The following SLC36A4 variants were observed in gnomAD, a reference collection of about 807,000 sequenced individuals.
The protein encoded by SLC36A4 is neutral amino acid uniporter 4.
In SLC36A4, 49 loss-of-function variants were observed where a neutral mutation model predicts 50.5. The observed-to-expected ratio is 0.97, with a 90% CI of 0.77 to 1.23. The LOEUF (loss-of-function observed/expected upper bound fraction) is 1.23, where lower values mean the gene tolerates loss of function less well. Ranked by LOEUF, SLC36A4 falls within the 50% of genes most tolerant of loss-of-function variation. The pLI is 0.00. For missense variants in SLC36A4, 611 were observed against 608.4 expected (o/e 1.00, Z -0.05); for synonymous variants, 207 against 206.5 (o/e 1.00, Z -0.02).
At chr11:93,165,832 T>A in intron 8 of SLC36A4, 86 bp downstream of exon 8, 2 of 762,428 alleles carry the variant, frequency 2.6e-6, no homozygotes, top group Non-Finnish European at 3.9e-6. Flanking sequence ...AAAAGAAAAA[T>A]ATGCAATTTT....
chr11:93,168,980 A>T (rs1490239507), intron 6 of SLC36A4, among the ~76,000 whole-genome samples: 1 of 152,144 alleles, frequency 6.6e-6, no homozygotes. Flanking sequence ...GACTTTAGAA[A>T]CAGTCTTAAA....
intron 9 of SLC36A4, chr11:93,154,524 G>A (rs948804011): frequency 4.8e-6 from 1 of 206,958 alleles, no homozygotes; most frequent in African/African-American, 2.3e-5. Flanking sequence ...GGGTATAGTG[G>A]TAAAAAGATT....
chr11:93,163,285 A>C (rs1483176075), intron 8 of SLC36A4, among the ~76,000 whole-genome samples: 1 of 152,130 alleles, frequency 6.6e-6, no homozygotes, highest in African/African-American at 2.4e-5. Flanking sequence ...CTAAACTGCA[A>C]ATTTCATTTG....
intron 1 of SLC36A4, chr11:93,193,160 A>G (rs1862284169): frequency 2.8e-6 from 1 of 358,610 alleles, no homozygotes; most frequent in Non-Finnish European, 3.9e-6. Context: ...AATACTTCTG[A>G]GCATTTATGA....
chr11:93,182,746 T>G, intron 4 of SLC36A4, 60 bp downstream of exon 4: 1 of 1,248,560 alleles, frequency 8.0e-7, no homozygotes, highest in South Asian at 1.3e-5. Flanking sequence ...TATAAGACTA[T>G]CTGATGCTGT....
chr11:93,190,797 G>T (rs1565240787), intron 1 of SLC36A4, among the ~76,000 whole-genome samples: 1 of 152,018 alleles, frequency 6.6e-6, no homozygotes, highest in Non-Finnish European at 1.5e-5. Flanking sequence ...CAAGGGCGTG[G>T]TCTTGCCTCA....
rs1474825284 is a variant in SLC36A4, at chr11:93,168,123, T to C, written c.589A>G (p.Asn197Asp). 2 of 1,612,356 alleles carry C rather than the reference T, an allele frequency of 1.2e-6. No homozygotes were observed. The highest frequency in any genetic ancestry group is 2.2e-5 in the South Asian group (2 of 90,940). The part of the protein sequence containing the change: ...ESKVFISNST[N>D]SSNPCERRSV... ...CTTCTCTCACAAGGGTTTGATGAATTGGTACTATTTGAAATAAACACTTTA... is the reference window on the plus strand; with the variant it reads ...CTTCTCTCACAAGGGTTTGATGAATCGGTACTATTTGAAATAAACACTTTA... The change falls in exon 7 of 11, where the codon AAT becomes GAT. Residue 197 changes from asparagine to aspartate, a missense_variant. Physicochemically the swap from Asn to Asp is conservative, Grantham distance 23. Coordinates refer to ENST00000326402, the MANE Select transcript of SLC36A4 (RefSeq NM_152313.4).
At chr11:93,176,349 T>C (rs991838658) in intron 6 of SLC36A4, among the ~76,000 whole-genome samples, 40 of 152,090 alleles carry the variant, frequency 2.6e-4, no homozygotes, top group African/African-American at 8.7e-4. Context: ...TGTCTCTGCA[T>C]GTGAGATGGG....
At position 93,168,044 on chromosome 11, in the gene SLC36A4, A is replaced by G; in HGVS notation, c.668T>C (p.Leu223Ser). Residue 223 changes from leucine to serine, a missense_variant, in exon 7 of 11, where the codon TTG becomes TCG. Physicochemically the swap from Leu to Ser is moderately radical, Grantham distance 145. Transcript: ENST00000326402. ...ATTCTTTAGTTCACGAATGAAGACC[A>G]AAAGAATTATAAATGGAAGAAAGCA... ...MLCFLPFIIL[L>S]VFIRELKNLF... is the part of the protein sequence containing the mutation. 6.2e-7 allele frequency: 1 copy of G among 1,612,142 alleles called. No homozygotes were observed. Among genetic ancestry groups the G allele is most frequent in the East Asian group, 2.2e-5 (1 of 44,812 alleles).
chr11:93,156,337 G>A (rs971727815), intron 9 of SLC36A4, among the ~76,000 whole-genome samples: 5 of 151,890 alleles, frequency 3.3e-5, no homozygotes, highest in African/African-American at 7.3e-5. Flanking sequence ...GATCAGTAAT[G>A]TTGAGCATTT....
intron 10 of SLC36A4, among the ~76,000 whole-genome samples, chr11:93,151,609 A>G (rs963816027): frequency 5.9e-5 from 9 of 152,142 alleles, no homozygotes; most frequent in African/African-American, 2.2e-4. Flanking sequence ...TGCAGAGGCA[A>G]CTAACTTAAA....
chr11:93,197,976 G>A lies in SLC36A4; in HGVS notation c.-144C>T. The A allele has an allele frequency of 1.2e-6, 1 of 829,066 alleles. No homozygotes were observed. The highest frequency in any genetic ancestry group is 1.7e-6 in the Non-Finnish European group (1 of 586,472). The allele number at this position is 829,066 out of a possible 1,614,324, so 51.4% of individuals were successfully genotyped here. On this transcript the variant is annotated 5_prime_UTR_variant, in exon 1 of 11. Transcript: ENST00000326402. ...CCCTGCCCCGGCGCTCCCCAACCGCGCGGCGAGGAGCATGCGCAGTGGGAC... is the reference window on the plus strand; with the variant it reads ...CCCTGCCCCGGCGCTCCCCAACCGCACGGCGAGGAGCATGCGCAGTGGGAC...
intron 4 of SLC36A4, chr11:93,182,391 G>A (rs1266445390): frequency 9.1e-6 from 2 of 218,870 alleles, no homozygotes; most frequent in African/African-American, 2.3e-5. Flanking sequence ...AGTATTTCAT[G>A]ATACAAAAAT....
intron 6 of SLC36A4, chr11:93,180,352 T>C (rs961108887): frequency 1.0e-6 from 1 of 983,630 alleles, no homozygotes; most frequent in Non-Finnish European, 1.2e-6. Flanking sequence ...AAACTGTTCA[T>C]TTTTGGACAC....
intron 6 of SLC36A4, among the ~76,000 whole-genome samples, chr11:93,174,121 A>C (rs1177213712): frequency 1.7e-4 from 26 of 150,582 alleles, no homozygotes; most frequent in Admixed American, 7.3e-4. Flanking sequence ...CTTTTATTTC[A>C]TTGAGCAGTG....
intron 6 of SLC36A4, among the ~76,000 whole-genome samples, chr11:93,174,916 G>C (rs986816413): frequency 3.8e-4 from 55 of 146,550 alleles, no homozygotes; most frequent in African/African-American, 1.3e-3. Context: ...CTCTTTTTTG[G>C]TTGTGTCTCT....
chr11:93,183,611 C>T (rs926413446), intron 3 of SLC36A4, among the ~76,000 whole-genome samples: 1 of 151,982 alleles, frequency 6.6e-6, no homozygotes, highest in Non-Finnish European at 1.5e-5. Context: ...AGGTTCTCTG[C>T]AATTATAATA....
At chr11:93,159,735 C>CTAAT in intron 9 of SLC36A4, 1 of 814,314 alleles carries the variant, frequency 1.2e-6, no homozygotes. Flanking sequence ...TTACTCATAA[C>CTAAT]TAATTTTCAA....
chr11:93,168,435 T>C (rs1046732838), intron 6 of SLC36A4, among the ~76,000 whole-genome samples: 2 of 151,962 alleles, frequency 1.3e-5, no homozygotes, highest in Non-Finnish European at 2.9e-5. Context: ...CATTAGAAAA[T>C]TATAATGATA....
Sources: gnomAD v4.1 joint callset for allele counts (sites outside exome capture counted in the v4.1 genomes callset) on GRCh38, gnomAD v4.1.1 for gene constraint, MANE v1.5 for transcripts, NCBI Gene and HGNC (gene_info 2026-07-23, HGNC 2026-07-21) for gene names.